Variants in MTA3 observed in about 807,000 individuals in gnomAD.
The protein encoded by MTA3 is metastasis-associated protein MTA3.
MTA3 carries 34 observed loss-of-function variants against 83.5 expected under a neutral mutation model. The observed-to-expected ratio is 0.41, with a 90% CI of 0.31 to 0.54. The LOEUF (loss-of-function observed/expected upper bound fraction) is 0.54. MTA3 is among the 20% of genes least tolerant of loss of function. The probability of loss-of-function intolerance (pLI) is 0.33; values close to 1 mark genes in which losing one functional copy is unlikely to be tolerated. For synonymous variants in MTA3, 303 were observed against 252.7 expected (o/e 1.20, Z -1.89); for missense variants, 761 against 726.4 (o/e 1.05, Z -0.55).
intron 4 of MTA3, among the ~76,000 whole-genome samples, chr2:42,615,339 A>G (rs1223534550): frequency 1.3e-5 from 2 of 150,310 alleles, no homozygotes; most frequent in Non-Finnish European, 3.0e-5. Context: ...TAGTGTTTAC[A>G]TTTAATTTTA....
chr2:42,547,574 G>A (rs756849817), intron 2 of MTA3, among the ~76,000 whole-genome samples: 6 of 152,194 alleles, frequency 3.9e-5, no homozygotes, highest in Non-Finnish European at 5.9e-5. Context: ...CAAGTGATCC[G>A]CCCGCCAAGG....
chr2:42,609,453 T>G lies in MTA3; in HGVS notation c.191-5T>G. 6.2e-7 allele frequency: 1 copy of G among 1,613,358 alleles called. No homozygotes were observed. The highest frequency in any genetic ancestry group is 8.5e-7 in the Non-Finnish European group (1 of 1,179,522). On this transcript the variant is annotated splice_region_variant and splice_polypyrimidine_tract_variant and intron_variant, in intron 3 of 16. Coordinates refer to ENST00000405094, the MANE Select transcript of MTA3 (RefSeq NM_001330442.2). ...TAATAAATTCTTTGAATTTTATTTG[T>G]GTAGAAGAAATTGAGGAAGAATCTG...
chr2:42,659,940 G>T (rs1689516677), intron 8 of MTA3, 78 bp downstream of exon 8: 1 of 1,136,578 alleles, frequency 8.8e-7, no homozygotes, highest in Non-Finnish European at 1.2e-6. Context: ...TGGCAATACT[G>T]TAGACCGGGA....
At chr2:42,597,385 T>G (rs1573150759) in intron 3 of MTA3, among the ~76,000 whole-genome samples, 1 of 148,596 alleles carries the variant, frequency 6.7e-6, no homozygotes, top group Non-Finnish European at 1.5e-5. Flanking sequence ...CTTTTTTTTT[T>G]TTTTTTTTTT....
chr2:42,584,291 G>A (rs910413343), intron 3 of MTA3, among the ~76,000 whole-genome samples: 7 of 151,928 alleles, frequency 4.6e-5, no homozygotes, highest in Non-Finnish European at 7.4e-5. Flanking sequence ...ACCTCTACTC[G>A]CTAGCCCATT....
At chr2:42,674,846 C>A (rs575122722) in intron 8 of MTA3, among the ~76,000 whole-genome samples, 1 of 151,626 alleles carries the variant, frequency 6.6e-6, no homozygotes, top group Admixed American at 6.6e-5. Context: ...ATGATCTGCC[C>A]GCCTCGGCCT....
intron 9 of MTA3, among the ~76,000 whole-genome samples, chr2:42,692,028 C>T (rs1692944758): frequency 6.6e-6 from 1 of 152,182 alleles, no homozygotes. Context: ...GGGAAATTCC[C>T]TAATATTATC....
intron 14 of MTA3, among the ~76,000 whole-genome samples, chr2:42,714,236 C>CTTACTGACTTGTGGGAACT (rs1339650873): frequency 1.3e-5 from 2 of 152,170 alleles, no homozygotes; most frequent in African/African-American, 4.8e-5. Context: ...TATTGGCAGT[C>CTTACTGACTTGTGGGAACT]TTACTGACTT....
rs180840190 is a variant in MTA3 at position 42,560,653 on chromosome 2, A to C, written c.-140-9784A>C. The stretch of plus-strand genomic sequence containing the variant: ...GGCACGGTGGCTCACACCTGTAATC[A>C]CAGCACTTTGGGAGGCTGAGGTGGG... On this transcript the variant is annotated intron_variant, in intron 2 of 17. Transcript: ENST00000405592. Among the ~76,000 whole-genome samples the C allele has an allele frequency of 3.7e-3, 555 of 151,728 alleles. 7 individuals are homozygous for C. The highest frequency in any genetic ancestry group is 0.013 in the African/African-American group (528 of 41,374).
At chr2:42,506,467 A>G (rs1674634624) in intron 2 of MTA3, among the ~76,000 whole-genome samples, 1 of 151,898 alleles carries the variant, frequency 6.6e-6, no homozygotes, top group Non-Finnish European at 1.5e-5. Context: ...TATTATATAT[A>G]TATATTTTTT....
At chr2:42,557,177 A>T (rs906586735) in intron 2 of MTA3, among the ~76,000 whole-genome samples, 4 of 152,140 alleles carry the variant, frequency 2.6e-5, no homozygotes, top group Non-Finnish European at 4.4e-5. Flanking sequence ...CAGGAGGCGG[A>T]GGTTGCAGTG....
At chr2:42,695,378 T>C (rs1360531884) in intron 9 of MTA3, among the ~76,000 whole-genome samples, 1 of 151,976 alleles carries the variant, frequency 6.6e-6, no homozygotes, top group Non-Finnish European at 1.5e-5. Context: ...CTCGCACCTG[T>C]AATCTCAGCA....
At chr2:42,565,976 T>C (rs1677893620), upstream of MTA3, among the ~76,000 whole-genome samples, 1 of 152,164 alleles carries the variant, frequency 6.6e-6, no homozygotes, top group African/African-American at 2.4e-5. Flanking sequence ...GCCATTGCAC[T>C]CCAGCCTGGG....
At chr2:42,636,712 C>T (rs550585269) in intron 4 of MTA3, among the ~76,000 whole-genome samples, 2 of 150,514 alleles carry the variant, frequency 1.3e-5, no homozygotes, top group South Asian at 2.1e-4. Flanking sequence ...CTGCAACCTC[C>T]GGCTCCCAGG....
At chr2:42,522,864 A>G (rs1664784098) in intron 2 of MTA3, among the ~76,000 whole-genome samples, 2 of 146,976 alleles carry the variant, frequency 1.4e-5, no homozygotes, top group Non-Finnish European at 3.0e-5. Flanking sequence ...GCTAGAGTGC[A>G]GTGGCAGGAT....
rs903916812 is a variant in MTA3, at chr2:42,647,771, C to T, written c.499+3527C>T. Among the ~76,000 whole-genome samples the T allele has an allele frequency of 5.3e-5, 8 of 152,164 alleles. 1 individual carries two copies. Among genetic ancestry groups the T allele is most frequent in the Admixed American group, 4.6e-4 (7 of 15,276 alleles). Reference sequence around the variant, plus strand: ...TTTGAACTCTTATTTCAGCCTGAAGCATTAAAGCATATGCAGAATGTTTCT... The same window carrying T: ...TTTGAACTCTTATTTCAGCCTGAAGTATTAAAGCATATGCAGAATGTTTCT... On this transcript the variant is annotated intron_variant, in intron 6 of 16. Transcript: ENST00000405094.
chr2:42,541,706 A>G (rs1676522622), intron 2 of MTA3, among the ~76,000 whole-genome samples: 2 of 152,174 alleles, frequency 1.3e-5, no homozygotes, highest in Admixed American at 1.3e-4. Context: ...GCCATTCAGT[A>G]ACCTTGTTTC....
chr2:42,660,221 T>A (rs758473080), intron 8 of MTA3, among the ~76,000 whole-genome samples: 1 of 152,172 alleles, frequency 6.6e-6, no homozygotes, highest in Non-Finnish European at 1.5e-5. Flanking sequence ...CCTGAGTAGT[T>A]GGGATTACAG....
At chr2:42,507,029 C>T (rs945674936) in intron 2 of MTA3, among the ~76,000 whole-genome samples, 8 of 152,140 alleles carry the variant, frequency 5.3e-5, no homozygotes, top group Non-Finnish European at 8.8e-5. Flanking sequence ...TTCAGCCTCC[C>T]GAGTAGCTGG....
Sources: gnomAD v4.1 joint callset for allele counts (sites outside exome capture counted in the v4.1 genomes callset) on GRCh38, gnomAD v4.1.1 for gene constraint, MANE v1.5 for transcripts, NCBI Gene and HGNC (gene_info 2026-07-23, HGNC 2026-07-21) for gene names.